The following FAM83B variants were observed in gnomAD, a reference collection of about 807,000 sequenced individuals.
FAM83B encodes the protein scaffolding CK1 anchoring protein B.
In FAM83B, 26 loss-of-function variants were observed where a neutral mutation model predicts 38.8. The ratio of observed to expected loss-of-function variants is 0.67; its 90% confidence interval spans 0.49 to 0.93. The LOEUF is 0.93. Ranked by LOEUF, FAM83B falls within the 40% of genes least tolerant of loss-of-function variation. FAM83B has a pLI of 0.00. For missense variants in FAM83B, 1,237 were observed against 1,197.3 expected (o/e 1.03, Z -0.49); for synonymous variants, 419 against 423.1 (o/e 0.99, Z 0.12).
At chr6:54,894,273 G>A (rs552523693) in intron 2 of FAM83B, among the ~76,000 whole-genome samples, 1 of 152,226 alleles carries the variant, frequency 6.6e-6, no homozygotes, top group Non-Finnish European at 1.5e-5. Flanking sequence ...TCAGGAAGCA[G>A]TGAATCTGGC....
intron 1 of FAM83B, among the ~76,000 whole-genome samples, chr6:54,868,243 A>G (rs2127574693): frequency 6.6e-6 from 1 of 152,232 alleles, no homozygotes; most frequent in African/African-American, 2.4e-5. Flanking sequence ...GATTATTTCT[A>G]AATATGGATG....
chr6:54,902,161 C>T (rs1561919628), intron 2 of FAM83B, among the ~76,000 whole-genome samples: 1 of 152,186 alleles, frequency 6.6e-6, no homozygotes, highest in Admixed American at 6.5e-5. Context: ...CCTCCATGAT[C>T]TGACTCCAAA....
chr6:54,850,500 T>G (rs1446735861), intron 1 of FAM83B, among the ~76,000 whole-genome samples: 3 of 152,184 alleles, frequency 2.0e-5, no homozygotes, highest in Non-Finnish European at 4.4e-5. Flanking sequence ...AACATCAGAT[T>G]CCTTCTTTGA....
At chr6:54,871,792 T>C (rs750179397) in intron 2 of FAM83B, among the ~76,000 whole-genome samples, 2 of 138,544 alleles carry the variant, frequency 1.4e-5, no homozygotes, top group Non-Finnish European at 3.1e-5. Context: ...AAAGTTACAA[T>C]TTTTAATTAT....
At chr6:54,918,951 G>A (rs768637028) in intron 2 of FAM83B, among the ~76,000 whole-genome samples, 15 of 152,002 alleles carry the variant, frequency 9.9e-5, no homozygotes, top group Non-Finnish European at 5.9e-5. Flanking sequence ...TCTAACATAG[G>A]AGAGGCTGAG....
chr6:54,868,043 A>G (rs1044024454), intron 1 of FAM83B, among the ~76,000 whole-genome samples: 23 of 152,162 alleles, frequency 1.5e-4, no homozygotes, highest in African/African-American at 4.8e-4. Flanking sequence ...AACTGTAAGC[A>G]TAAGGATTGA....
At chr6:54,926,780 T>A (rs1358747176) in intron 3 of FAM83B, among the ~76,000 whole-genome samples, 1 of 152,094 alleles carries the variant, frequency 6.6e-6, no homozygotes, top group Non-Finnish European at 1.5e-5. Flanking sequence ...CCTCCCAGAG[T>A]GGAGTGCACT....
At chr6:54,931,717 A>G (rs2127589781) in intron 4 of FAM83B, among the ~76,000 whole-genome samples, 1 of 152,162 alleles carries the variant, frequency 6.6e-6, no homozygotes, top group African/African-American at 2.4e-5. Flanking sequence ...TCTCTTGAAG[A>G]TAGCATATAT....
intron 2 of FAM83B, among the ~76,000 whole-genome samples, chr6:54,887,636 A>G (rs760678185): frequency 2.6e-5 from 4 of 151,962 alleles, no homozygotes; most frequent in Non-Finnish European, 4.4e-5. Context: ...TTTTAGGTAC[A>G]TAGAAATTTC....
intron 4 of FAM83B, among the ~76,000 whole-genome samples, chr6:54,929,543 TA>T (rs1207771114): frequency 6.6e-6 from 1 of 152,196 alleles, no homozygotes; most frequent in East Asian, 1.9e-4. Context: ...GCATTGTCTA[TA>T]AATCAAACTG....
intron 2 of FAM83B, among the ~76,000 whole-genome samples, chr6:54,896,663 A>G (rs1219446116): frequency 6.6e-6 from 1 of 152,230 alleles, no homozygotes; most frequent in Non-Finnish European, 1.5e-5. Context: ...GCCACTCTCA[A>G]TAGCCTTTAA....
In FAM83B at chr6:54,870,417, T is replaced by C. The variant is rs766230067; in HGVS notation, c.171T>C (p.Ala57=). 1.5e-5 allele frequency: 24 copies of C among 1,613,942 alleles called. No homozygotes were observed. The highest frequency in any genetic ancestry group is 3.3e-4 in the Middle Eastern group (2 of 6,084). The change falls in exon 2 of 5, where the codon GCT becomes GCC. Residue 57 remains alanine, a synonymous_variant. Coordinates refer to ENST00000306858, the MANE Select transcript of FAM83B (RefSeq NM_001010872.3). ...AGGAACGAGTTTCAGACTTTCTTGC[T>C]GAGGAAGAAATTAATTATATTTTGA... is the stretch of plus-strand genomic sequence containing the variant. ...LVQERVSDFL[A]EEEINYILKN... is the part of the protein sequence containing the mutation.
At position 54,941,660 on chromosome 6, in the gene FAM83B, C is replaced by T. The variant is rs773983175; in HGVS notation, c.2689C>T (p.Arg897Ter). 3.0e-5 allele frequency: 49 copies of T among 1,614,004 alleles called. No individual in the cohort carries two copies. The highest frequency in any genetic ancestry group is 1.6e-4 in the Middle Eastern group (1 of 6,062). Reference sequence around the variant, plus strand: ...ATTTAACACTGAACAGATCCAATACCGAGATTCAAGGGAGATTAATGCAGT... The same window carrying T: ...ATTTAACACTGAACAGATCCAATACTGAGATTCAAGGGAGATTAATGCAGT... ...PRFNTEQIQY[R>*]DSREINAVVT... Residue 897 changes from arginine to a stop codon, truncating the protein, a stop_gained, in exon 5 of 5, where the codon CGA becomes TGA. Transcript: ENST00000306858. LOFTEE classifies it high-confidence loss of function.
At chr6:54,854,663 C>T (rs1771399300) in intron 1 of FAM83B, among the ~76,000 whole-genome samples, 1 of 152,140 alleles carries the variant, frequency 6.6e-6, no homozygotes, top group South Asian at 2.1e-4. Context: ...CTTATATATG[C>T]ACTGGGAAAC....
At chr6:54,915,973 A>G (rs1457202189) in intron 2 of FAM83B, among the ~76,000 whole-genome samples, 1 of 152,188 alleles carries the variant, frequency 6.6e-6, no homozygotes, top group Non-Finnish European at 1.5e-5. Context: ...TAGTTAGCCT[A>G]GCATTCAACG....
At position 54,912,166 on chromosome 6, in the gene FAM83B, G is replaced by A. The variant is rs113864967; in HGVS notation, c.445-14205G>A. On this transcript the variant is annotated intron_variant, in intron 2 of 4. Transcript: ENST00000306858. Reference sequence around the variant, plus strand: ...ATAACATTTATTTAGAATATCAAGTGTGATACATAAGGCTGTGAAAGTTTT... The same window carrying A: ...ATAACATTTATTTAGAATATCAAGTATGATACATAAGGCTGTGAAAGTTTT... 9.2e-5 allele frequency among the ~76,000 whole-genome samples: 14 copies of A among 151,914 alleles called. 3 individuals carry two copies. The highest frequency in any genetic ancestry group is 3.4e-4 in the African/African-American group (14 of 41,486).
At chr6:54,846,407 G>A (rs1771133847), upstream of FAM83B, among the ~76,000 whole-genome samples, 1 of 152,218 alleles carries the variant, frequency 6.6e-6, no homozygotes, top group South Asian at 2.1e-4. Flanking sequence ...CTTCCCAGGT[G>A]AGCGTCGCTG....
intron 2 of FAM83B, among the ~76,000 whole-genome samples, chr6:54,902,110 T>C (rs1263086251): frequency 6.6e-6 from 1 of 152,200 alleles, no homozygotes; most frequent in East Asian, 1.9e-4. Context: ...CTTTCTCACA[T>C]TGACACCAAG....
At chr6:54,902,875 A>G (rs993547981) in intron 2 of FAM83B, among the ~76,000 whole-genome samples, 5 of 152,218 alleles carry the variant, frequency 3.3e-5, no homozygotes, top group African/African-American at 1.2e-4. Flanking sequence ...GGAGTAAAAC[A>G]AAATGATTTG....
Sources: allele counts gnomAD v4.1 joint callset (sites outside exome capture counted in the v4.1 genomes callset), GRCh38; gene constraint gnomAD v4.1.1; transcripts MANE v1.5; gene names NCBI Gene and HGNC (gene_info 2026-07-23, HGNC 2026-07-21).